The following GABRB1 variants were observed in gnomAD, a reference collection of about 807,000 sequenced individuals.
GABRB1 encodes gamma-aminobutyric acid type A receptor subunit beta1, also known as gamma-aminobutyric acid receptor subunit beta-1.
Under a neutral mutation model 51.6 loss-of-function variants are expected in GABRB1, and 17 were observed. The ratio of observed to expected loss-of-function variants is 0.33; its 90% confidence interval spans 0.23 to 0.49. GABRB1 has a LOEUF of 0.49. Ranked by LOEUF, GABRB1 falls within the 20% of genes least tolerant of loss-of-function variation. The probability of loss-of-function intolerance (pLI) is 0.99; values close to 1 mark genes in which losing one functional copy is unlikely to be tolerated. For missense variants in GABRB1, 410 were observed against 600.6 expected, an observed-to-expected ratio of 0.68 and a Z score of 3.32; for synonymous variants, 247 against 218.9, an observed-to-expected ratio of 1.13 and a Z score of -1.14.
At chr4:47,195,836 T>A (rs1397555521) in intron 4 of GABRB1, among the ~76,000 whole-genome samples, 2 of 152,258 alleles carry the variant, frequency 1.3e-5, no homozygotes, top group South Asian at 2.1e-4. Context: ...AAATTGAGTC[T>A]TAAACACTTT....
intron 3 of GABRB1, among the ~76,000 whole-genome samples, chr4:47,141,909 C>A (rs1716953513): frequency 6.6e-6 from 1 of 151,840 alleles, no homozygotes; most frequent in Admixed American, 6.6e-5. Context: ...CACCATACCC[C>A]CTCCTTGAAA....
chr4:47,081,836 A>G (rs1471181791), intron 3 of GABRB1, among the ~76,000 whole-genome samples: 1 of 152,056 alleles, frequency 6.6e-6, no homozygotes, highest in African/African-American at 2.4e-5. Context: ...AAGGCAGAAT[A>G]CCCTTTGGGG....
intron 3 of GABRB1, among the ~76,000 whole-genome samples, chr4:47,062,611 CT>C (rs1344181451): frequency 6.6e-6 from 1 of 152,068 alleles, no homozygotes; most frequent in Non-Finnish European, 1.5e-5. Flanking sequence ...TTATTTAACT[CT>C]TTCCAATACA....
At position 47,337,268 on chromosome 4, in the gene GABRB1, G is replaced by C. The variant is rs148820346; in HGVS notation, c.544+17059G>C. 6.6e-5 allele frequency among the ~76,000 whole-genome samples: 10 copies of C among 152,184 alleles called. No individual in the cohort carries two copies. The East Asian group carries it at 1.9e-3, about 29-fold the overall frequency. On this transcript the variant is annotated intron_variant, in intron 5 of 8. Coordinates refer to ENST00000295454, the MANE Select transcript of GABRB1 (RefSeq NM_000812.4). ...CCCATCCCCCGAAAGAAGTGACAAA[G>C]AGTCACTTCATATAACTCCAAGGCC...
chr4:47,201,193 A>G lies in GABRB1; in HGVS notation c.461+39724A>G, dbSNP rs537294077. ...AAAAAAATATTGAGGAACAAGGGAG[A>G]CCATCTTTTATATCATATCATTCTA... On this transcript the variant is annotated intron_variant, in intron 4 of 8. Transcript: ENST00000295454. Among the ~76,000 whole-genome samples the G allele has an allele frequency of 6.6e-5, 10 of 152,270 alleles. 1 individual carries two copies. In the East Asian group the frequency reaches 1.9e-3, roughly 29 times the overall value.
At chr4:47,081,751 C>T (rs984193098) in intron 3 of GABRB1, among the ~76,000 whole-genome samples, 1 of 151,972 alleles carries the variant, frequency 6.6e-6, no homozygotes, top group Non-Finnish European at 1.5e-5. Context: ...CGTCTACTGG[C>T]TTTTTTGCAT....
intron 7 of GABRB1, among the ~76,000 whole-genome samples, chr4:47,404,728 G>A (rs1203290519): frequency 2.6e-5 from 4 of 152,082 alleles, no homozygotes; most frequent in Non-Finnish European, 5.9e-5. Flanking sequence ...ATTAAAGAAA[G>A]CAAACAAATA....
At chr4:47,076,157 T>A (rs1023340069) in intron 3 of GABRB1, among the ~76,000 whole-genome samples, 3 of 152,176 alleles carry the variant, frequency 2.0e-5, no homozygotes, top group Admixed American at 2.0e-4. Context: ...TTTGTTCAAT[T>A]CCAGCAGCAT....
chr4:47,368,005 T>G (rs149852387), intron 5 of GABRB1, among the ~76,000 whole-genome samples: 1 of 152,164 alleles, frequency 6.6e-6, no homozygotes, highest in Non-Finnish European at 1.5e-5. Flanking sequence ...TAACGGACTT[T>G]CCATAACTAG....
chr4:47,290,095 ATTAG>A (rs1723665146), intron 4 of GABRB1, among the ~76,000 whole-genome samples: 1 of 152,236 alleles, frequency 6.6e-6, no homozygotes, highest in Admixed American at 6.5e-5. Context: ...TACTGTCTAG[ATTAG>A]TTAGATTCAA....
intron 5 of GABRB1, among the ~76,000 whole-genome samples, chr4:47,387,435 G>A (rs575754799): frequency 6.6e-6 from 1 of 152,252 alleles, no homozygotes; most frequent in East Asian, 1.9e-4. Context: ...TTGTGCCACT[G>A]CACTCCAGCC....
intron 4 of GABRB1, among the ~76,000 whole-genome samples, chr4:47,299,800 T>C (rs1295290085): frequency 1.4e-4 from 22 of 152,198 alleles, no homozygotes; most frequent in African/African-American, 3.6e-4. Flanking sequence ...CGTATGTTTA[T>C]TGCAGCACTA....
At chr4:47,378,385 G>C (rs1405673200) in intron 5 of GABRB1, among the ~76,000 whole-genome samples, 2 of 152,160 alleles carry the variant, frequency 1.3e-5, no homozygotes, top group Non-Finnish European at 2.9e-5. Flanking sequence ...CCCGGAACTC[G>C]TGCTGGCCCG....
intron 4 of GABRB1, among the ~76,000 whole-genome samples, chr4:47,265,768 T>C (rs1204603398): frequency 6.6e-6 from 1 of 152,170 alleles, no homozygotes; most frequent in Non-Finnish European, 1.5e-5. Context: ...TCATGTCCTT[T>C]GCTCACTGCC....
chr4:47,185,577 G>A (rs185497143), intron 4 of GABRB1, among the ~76,000 whole-genome samples: 2 of 151,826 alleles, frequency 1.3e-5, no homozygotes, highest in Admixed American at 1.3e-4. Flanking sequence ...AAAATGGTAT[G>A]GTGTATTATC....
In GABRB1 at chr4:47,076,226, T is replaced by C. The variant is rs557123508; in HGVS notation, c.240+43742T>C. ...CAGCCCTTTTCTCCTAAGAGGCTGG[T>C]CTCTGTGCTTGTTCCTTCAGCCCCT... On this transcript the variant is annotated intron_variant, in intron 3 of 8. Transcript: ENST00000295454. Among the ~76,000 whole-genome samples the C allele has an allele frequency of 1.8e-4, 27 of 152,326 alleles. 1 individual carries two copies. The South Asian group carries it at 5.2e-3, about 29-fold the overall frequency.
At chr4:47,299,574 C>T (rs984856930) in intron 4 of GABRB1, among the ~76,000 whole-genome samples, 4 of 152,040 alleles carry the variant, frequency 2.6e-5, no homozygotes, top group Non-Finnish European at 4.4e-5. Context: ...GACCATCATT[C>T]AAAAGTCAGG....
At chr4:47,097,189 T>C (rs1714484626) in intron 3 of GABRB1, among the ~76,000 whole-genome samples, 1 of 152,150 alleles carries the variant, frequency 6.6e-6, no homozygotes, top group Non-Finnish European at 1.5e-5. Flanking sequence ...CCTAATAGCC[T>C]CCAAGGTCCA....
At chr4:47,293,507 G>C (rs1723841602) in intron 4 of GABRB1, among the ~76,000 whole-genome samples, 1 of 152,024 alleles carries the variant, frequency 6.6e-6, no homozygotes, top group Non-Finnish European at 1.5e-5. Context: ...GGATTTTCAG[G>C]AGCACTCTGG....
Sources: allele counts gnomAD v4.1 joint callset (sites outside exome capture counted in the v4.1 genomes callset), GRCh38; gene constraint gnomAD v4.1.1; transcripts MANE v1.5; gene names NCBI Gene and HGNC (gene_info 2026-07-23, HGNC 2026-07-21).